LTBP4: variants seen among roughly 807,000 people sequenced by gnomAD.
LTBP4 encodes latent transforming growth factor beta binding protein 4, also known as latent-transforming growth factor beta-binding protein 4.
LTBP4 carries 93 observed loss-of-function variants against 180.2 expected under a neutral mutation model. That is an observed-to-expected ratio of 0.52 (90% CI 0.44 to 0.61). LTBP4 has a LOEUF of 0.61. Among genes scored for constraint, LTBP4 ranks in the 20% least tolerant of loss-of-function variants. The probability of loss-of-function intolerance (pLI) is 0.00; values close to 1 mark genes in which losing one functional copy is unlikely to be tolerated. For synonymous variants in LTBP4, 947 were observed against 934.5 expected (o/e 1.01, Z -0.24); for missense variants, 2,116 against 2,256.5 (o/e 0.94, Z 1.26).
chr19:40,616,578 C>T lies in LTBP4; in HGVS notation c.2813-311C>T, dbSNP rs145061570. Among the ~76,000 whole-genome samples, 653 of 152,202 alleles carry T rather than the reference C, an allele frequency of 4.3e-3. 2 individuals carry two copies. The highest frequency in any genetic ancestry group is 0.015 in the African/African-American group (639 of 41,522). On this transcript the variant is annotated intron_variant, in intron 19 of 29. Coordinates refer to ENST00000396819, the MANE Select transcript of LTBP4 (RefSeq NM_001042545.2). Reference sequence around the variant, plus strand: ...TGAAATCTCATCTCTACTAAAAATACAAAAATTAGCTAGGCATGATGGTGC... The same window carrying T: ...TGAAATCTCATCTCTACTAAAAATATAAAAATTAGCTAGGCATGATGGTGC...
At position 40,601,595 on chromosome 19, in the gene LTBP4, G is replaced by T. The variant is rs1374501513; in HGVS notation, c.208G>T (p.Ala70Ser). The stretch of plus-strand genomic sequence containing the variant: ...CAACGCCACCAGCGTGGACAGCGGC[G>T]CTCCCGGCGGGGCGGCCCCGGGGGG... Reference protein sequence around the residue: ...PRNATSVDSGAPGGAAPGGPG... With the variant: ...PRNATSVDSGSPGGAAPGGPG... Residue 70 changes from alanine to serine, a missense_variant, in exon 1 of 30, where the codon GCT becomes TCT. Physicochemically the swap from Ala to Ser is moderately conservative, Grantham distance 99. Transcript: ENST00000396819. The T allele has an allele frequency of 1.2e-5, 17 of 1,415,308 alleles. No individual in the cohort carries two copies. Among genetic ancestry groups the T allele is most frequent in the Non-Finnish European group, 1.6e-5 (17 of 1,093,082 alleles). The allele number at this position is 1,415,308 out of a possible 1,614,324, so 87.7% of individuals were successfully genotyped here.
At chr19:40,625,045 G>A (rs2081614093) in intron 26 of LTBP4, among the ~76,000 whole-genome samples, 2 of 150,076 alleles carry the variant, frequency 1.3e-5, no homozygotes, top group Non-Finnish European at 3.0e-5. Flanking sequence ...AACTTCTGCT[G>A]AAGCTCTGTC....
rs747743303 is a variant in LTBP4, at chr19:40,628,954, A to T, written c.4520-442A>T. On this transcript the variant is annotated intron_variant, in intron 29 of 29. Transcript: ENST00000396819. ...AACCTCCTCCTCCCAGGTTCAAGCG[A>T]TTCTCCTGCCTCAGCCTCTCGAGTA... Among the ~76,000 whole-genome samples, 92 of 151,426 alleles carry T rather than the reference A, an allele frequency of 6.1e-4. 1 individual carries two copies. The highest frequency in any genetic ancestry group is 1.1e-3 in the Admixed American group (17 of 15,214).
Position 40,622,370 on chromosome 19 carries a change from C to T in LTBP4, c.3218-31C>T, listed in dbSNP as rs2081591726. On this transcript the variant is annotated intron_variant, in intron 22 of 29. Coordinates refer to ENST00000396819, the MANE Select transcript of LTBP4 (RefSeq NM_001042545.2). This position sits in a 1 kb window ranked among gnomAD's most constrained non-coding sequence, Gnocchi z 5.1. ...TAGTGGCGGGGCTGGGGATTCAGCC[C>T]ACACTGGGCTAAAGCTCCTTGTCTC... 1.4e-6 allele frequency: 2 copies of T among 1,471,208 alleles called. No homozygotes were observed. The highest frequency in any genetic ancestry group is 9.1e-7 in the Non-Finnish European group (1 of 1,100,960). The allele number at this position is 1,471,208 out of a possible 1,614,324, so 91.1% of individuals were successfully genotyped here.
intron 1 of LTBP4, chr19:40,593,251 G>A (rs2081375555): frequency 8.2e-6 from 13 of 1,587,408 alleles, no homozygotes; most frequent in African/African-American, 2.7e-5. Flanking sequence ...GTTTTTGTTT[G>A]TTTGTTTTTG....
upstream of LTBP4, chr19:40,597,192 T>C (rs1326855404): frequency 2.8e-6 from 4 of 1,413,770 alleles, no homozygotes; most frequent in East Asian, 1.2e-4. Context: ...CCTGACCCGC[T>C]GGACAGACCG....
chr19:40,627,481 G>C (rs2146053265), intron 28 of LTBP4, 126 bp downstream of exon 28: 1 of 1,331,784 alleles, frequency 7.5e-7, no homozygotes, highest in East Asian at 2.5e-5. Flanking sequence ...GCCACAGAAA[G>C]GGACAGAGAA....
chr19:40,613,016 G>A lies in LTBP4; in HGVS notation c.2300-49G>A. 1 of 1,587,978 alleles carries A rather than the reference G, an allele frequency of 6.3e-7. No homozygotes were observed. Among genetic ancestry groups the A allele is most frequent in the Non-Finnish European group, 8.6e-7 (1 of 1,164,668 alleles). ...ACACCCTACTCCAAGGGGATTGGTC[G>A]GGTGTGTCCCGAGACTGGACCCTTT... On this transcript the variant is annotated intron_variant, in intron 15 of 29. Coordinates refer to ENST00000396819, the MANE Select transcript of LTBP4 (RefSeq NM_001042545.2). This position sits in a 1 kb window ranked among gnomAD's most constrained non-coding sequence, Gnocchi z 5.0.
chr19:40,614,426 G>A lies in LTBP4; in HGVS notation c.2792G>A (p.Gly931Asp). Residue 931 changes from glycine (G) to aspartate (D), a missense_variant, in exon 19 of 30, where the codon GGC (glycine) becomes GAC (aspartate). This residue lies in a region of LTBP4 where 877 missense variants were observed against 873.6 expected (regional missense o/e 1.00). Coordinates refer to ENST00000396819, the MANE Select transcript of LTBP4 (RefSeq NM_001042545.2). ...GACTGCGATCCTGGGTACCACGCGG[G>A]CCCCGAGGGCACCTGTGACGGTGAG... The part of the protein sequence containing the change: ...VRDCDPGYHA[G>D]PEGTCDDVDE... 3 of 1,599,202 alleles carry A rather than the reference G, an allele frequency of 1.9e-6. No individual in the cohort carries two copies. Among genetic ancestry groups the A allele is most frequent in the Non-Finnish European group, 2.5e-6 (3 of 1,179,682 alleles).
Position 40,624,025 on chromosome 19 carries a change from C to T in LTBP4, c.3775C>T (p.Pro1259Ser), listed in dbSNP as rs374216791. 46 of 1,608,142 alleles carry T rather than the reference C, an allele frequency of 2.9e-5. No individual in the cohort carries two copies. Among genetic ancestry groups the T allele is most frequent in the Admixed American group, 5.0e-5 (3 of 59,604 alleles). ...VGSYHCTCEP[P>S]LVLDGSQRRC... Reference sequence around the variant, plus strand: ...CTCTTATCACTGTACCTGCGAGCCCCCACTGGTGCTGGATGGCTCGCAGCG... The same window carrying T: ...CTCTTATCACTGTACCTGCGAGCCCTCACTGGTGCTGGATGGCTCGCAGCG... Residue 1259 changes from proline (P) to serine (S), a missense_variant, in exon 26 of 30, where the codon CCA becomes TCA. Physicochemically the swap from Pro to Ser is moderately conservative, Grantham distance 74 (BLOSUM62 -1). Transcript: ENST00000396819.
chr19:40,617,125 C>G lies in LTBP4; in HGVS notation c.2970C>G (p.Ser990=). ...CQDVDECRNR[S]FCGAHAVCQN... ...ATGTGGACGAATGCCGGAACCGGTCCTTCTGCGGTGCCCACGCCGTGTGCC... is the reference window on the plus strand; with the variant it reads ...ATGTGGACGAATGCCGGAACCGGTCGTTCTGCGGTGCCCACGCCGTGTGCC... The change falls in exon 21 of 30, where the codon TCC becomes TCG. Residue 990 remains serine, a synonymous_variant. Transcript: ENST00000396819. The G allele has an allele frequency of 6.2e-7, 1 of 1,614,030 alleles. No individual in the cohort carries two copies. The highest frequency in any genetic ancestry group is 8.5e-7 in the Non-Finnish European group (1 of 1,179,902).
rs1389618001 is a variant in LTBP4 at position 40,611,802 on chromosome 19, G to A, written c.2054-57G>A. ...CTGGAATGCTGGGGTGGGTGGTGAT[G>A]GCCATGGGAATGGATTCAGGCCCCT... On this transcript the variant is annotated intron_variant, in intron 13 of 29. Transcript: ENST00000396819. The surrounding 1 kb of genome is among the most constrained non-coding windows in gnomAD (Gnocchi z 4.4). 1.9e-6 allele frequency: 3 copies of A among 1,561,140 alleles called. No individual in the cohort carries two copies. The East Asian group carries it at 7.0e-5, about 37-fold the overall frequency.
intron 1 of LTBP4, among the ~76,000 whole-genome samples, chr19:40,596,297 A>C (rs760914583): frequency 1.2e-4 from 18 of 152,018 alleles, no homozygotes; most frequent in Non-Finnish European, 2.1e-4. Flanking sequence ...TCCTGGACTC[A>C]AGCGATCCAC....
chr19:40,599,479 G>A, upstream of LTBP4: 1 of 1,613,808 alleles, frequency 6.2e-7, no homozygotes, highest in Non-Finnish European at 8.5e-7. Flanking sequence ...AGCGGTGCCT[G>A]AACCCAGTGC....
In LTBP4 at chr19:40,601,628, T is replaced by A. The variant is rs2081424885; in HGVS notation, c.241T>A (p.Phe81Ile). Residue 81 changes from phenylalanine to isoleucine, a missense_variant, in exon 1 of 30, where the codon TTC (phenylalanine) becomes ATC (isoleucine). By Grantham distance (21) the Phe-to-Ile change is conservative. This residue lies in a region of LTBP4 where 469 missense variants were observed against 532.5 expected (regional missense o/e 0.88). Transcript: ENST00000396819. ...PGGAAPGGPGFRAFLCPLICH... is the reference protein window; with the variant it reads ...PGGAAPGGPGIRAFLCPLICH... ...CGGGGCGGCCCCGGGGGGACCCGGC[T>A]TCCGCGCCTGTGAGTGCGGGGTGGT... 1.5e-6 allele frequency: 2 copies of A among 1,369,564 alleles called. No homozygotes were observed. Among genetic ancestry groups the A allele is most frequent in the Admixed American group, 7.6e-5 (2 of 26,386 alleles). The allele number at this position is 1,369,564 out of a possible 1,614,324, so 84.8% of individuals were successfully genotyped here.
upstream of LTBP4, chr19:40,601,261 G>T: frequency 6.7e-6 from 5 of 745,704 alleles, no homozygotes; most frequent in Non-Finnish European, 8.2e-6. Flanking sequence ...CCGCCGGGGA[G>T]GGAGTGGTGA....
upstream of LTBP4, chr19:40,600,126 G>C (rs1269434699): frequency 9.5e-6 from 12 of 1,258,622 alleles, no homozygotes; most frequent in Non-Finnish European, 1.2e-5. The surrounding 1 kb of genome is among the most constrained non-coding windows in gnomAD (Gnocchi z 4.4). Context: ...AGGGGGCCGG[G>C]GACTACTGAG....
rs2077407 is a variant in LTBP4, at chr19:40,613,923, C to A, written c.2565C>A (p.Asp855Glu). ...GGACGCCCTGTCCCGCAGACGTTGA[C>A]GAGTGCAGCGAGGAGGACCTTTGCC... ...GPRGASCLDV[D>E]ECSEEDLCQS... Residue 855 changes from aspartate to glutamate, a missense_variant, in exon 18 of 30, where the codon GAC becomes GAA. This residue lies in a region of LTBP4 where 877 missense variants were observed against 873.6 expected (regional missense o/e 1.00). Transcript: ENST00000396819. This position sits in a 1 kb window ranked among gnomAD's most constrained non-coding sequence, Gnocchi z 5.0. 52 of 1,613,416 alleles carry A rather than the reference C, an allele frequency of 3.2e-5. No homozygotes were observed. In the East Asian group the frequency reaches 1.1e-3, roughly 33 times the overall value.
Position 40,613,072 on chromosome 19 carries a change from C to A in LTBP4, c.2307C>A (p.Asp769Glu). 6.2e-7 allele frequency: 1 copy of A among 1,611,954 alleles called. No homozygotes were observed. The highest frequency in any genetic ancestry group is 2.2e-5 in the East Asian group (1 of 44,790). ...CACCCCCACCCCCCACAGATGTGGA[C>A]GAATGCAGTTCGGGTGCCCCTCCCT... ...HLHRGRCTDV[D>E]ECSSGAPPCG... is the part of the protein sequence containing the mutation. Residue 769 changes from aspartate to glutamate, a missense_variant, in exon 16 of 30, where the codon GAC becomes GAA. This residue lies in a region of LTBP4 where 877 missense variants were observed against 873.6 expected (regional missense o/e 1.00). Transcript: ENST00000396819. The surrounding 1 kb of genome is among the most constrained non-coding windows in gnomAD (Gnocchi z 5.0).
Sources: gnomAD v4.1 joint callset for allele counts (sites outside exome capture counted in the v4.1 genomes callset) on GRCh38, gnomAD v4.1.1 for gene constraint, gnomAD v4.1.1 regional missense constraint, Gnocchi (gnomAD v3.1) non-coding constraint, MANE v1.5 for transcripts, NCBI Gene and HGNC (gene_info 2026-07-23, HGNC 2026-07-21) for gene names.